PPARGC1A: variants seen among roughly 807,000 people sequenced by gnomAD.
PPARGC1A encodes peroxisome proliferator-activated receptor gamma coactivator 1-alpha.
Under a neutral mutation model 88.7 loss-of-function variants are expected in PPARGC1A, and 25 were observed. The observed-to-expected ratio is 0.28, with a 90% CI of 0.21 to 0.39. The LOEUF (loss-of-function observed/expected upper bound fraction) is 0.39. Ranked by LOEUF, PPARGC1A falls within the 10% of genes least tolerant of loss-of-function variation. The probability of loss-of-function intolerance (pLI) is 1.00; values close to 1 mark genes in which losing one functional copy is unlikely to be tolerated. For missense variants in PPARGC1A, 880 were observed against 968.7 expected, an observed-to-expected ratio of 0.91 and a Z score of 1.22; for synonymous variants, 363 against 355.6, an observed-to-expected ratio of 1.02 and a Z score of -0.24.
the PPARGC1A span, among the ~76,000 whole-genome samples, chr4:24,346,422 G>C: frequency 6.6e-6 from 1 of 151,832 alleles, no homozygotes; most frequent in Non-Finnish European, 1.5e-5. Flanking sequence ...GACTTTTTTT[G>C]TTAGTAAATT....
At chr4:24,041,584 A>T in the PPARGC1A span, among the ~76,000 whole-genome samples, 1 of 152,178 alleles carries the variant, frequency 6.6e-6, no homozygotes, top group Non-Finnish European at 1.5e-5. Flanking sequence ...AGATATGTCT[A>T]CCTTCTATTA....
chr4:24,259,106 T>G, the PPARGC1A span, among the ~76,000 whole-genome samples: 1 of 152,166 alleles, frequency 6.6e-6, no homozygotes, highest in South Asian at 2.1e-4. Flanking sequence ...AGATGGCACC[T>G]TCAGAAAATA....
the PPARGC1A span, among the ~76,000 whole-genome samples, chr4:24,438,595 G>A: frequency 6.6e-6 from 1 of 152,140 alleles, no homozygotes; most frequent in East Asian, 1.9e-4. Flanking sequence ...GGCTACTAAT[G>A]AAATTATTGT....
chr4:24,066,558 G>A, the PPARGC1A span, among the ~76,000 whole-genome samples: 7 of 152,096 alleles, frequency 4.6e-5, no homozygotes, highest in African/African-American at 9.7e-5. Flanking sequence ...CTGTTTCTCC[G>A]TCAGTGAGAG....
chr4:24,349,087 C>T, the PPARGC1A span, among the ~76,000 whole-genome samples: 1 of 152,222 alleles, frequency 6.6e-6, no homozygotes, highest in Non-Finnish European at 1.5e-5. Context: ...GTCTAGCCAT[C>T]CAGCGAGTCT....
In PPARGC1A at chr4:23,795,664, GTTGTTC is replaced by G. The variant is rs1447309106; in HGVS notation, c.*152_*157del. 7.1e-6 allele frequency: 4 copies of G among 565,928 alleles called. No individual in the cohort carries two copies. The African/African-American group carries it at 7.8e-5, about 11-fold the overall frequency. 35.1% of individuals were successfully genotyped at this position (565,928 alleles called of 1,614,324 possible). On this transcript the variant is annotated 3_prime_UTR_variant, in exon 13 of 13. Coordinates refer to ENST00000264867, the MANE Select transcript of PPARGC1A (RefSeq NM_013261.5). The stretch of plus-strand genomic sequence containing the variant: ...GTAAACCATTGTTGTTATTGTTGTT[GTTGTTC>G]TTGTTGTATTGTTGTTGTTTTGTTT...
the PPARGC1A span, among the ~76,000 whole-genome samples, chr4:24,127,969 G>C: frequency 6.6e-6 from 1 of 152,186 alleles, no homozygotes; most frequent in Non-Finnish European, 1.5e-5. Context: ...GTAATAGCTA[G>C]TGTTTATGCC....
intron 10 of PPARGC1A, among the ~76,000 whole-genome samples, chr4:23,803,093 A>C (rs138999810): frequency 2.5e-4 from 38 of 152,330 alleles, no homozygotes; most frequent in African/African-American, 8.9e-4. Context: ...CAGAATTCTA[A>C]TACTGAGATG....
the PPARGC1A span, among the ~76,000 whole-genome samples, chr4:24,304,781 A>G: frequency 6.6e-6 from 1 of 152,140 alleles, no homozygotes; most frequent in Non-Finnish European, 1.5e-5. Flanking sequence ...ATGGAGAAAC[A>G]TGGCCTCCTT....
the PPARGC1A span, among the ~76,000 whole-genome samples, chr4:24,025,162 T>A: frequency 6.6e-6 from 1 of 152,212 alleles, no homozygotes; most frequent in Non-Finnish European, 1.5e-5. Flanking sequence ...CTGTACTTTC[T>A]AAAATATGGT....
chr4:24,093,885 G>A, the PPARGC1A span, among the ~76,000 whole-genome samples: 5 of 152,100 alleles, frequency 3.3e-5, no homozygotes, highest in Admixed American at 1.3e-4. Flanking sequence ...GGAAGTATGC[G>A]TTATAGTCTC....
the PPARGC1A span, among the ~76,000 whole-genome samples, chr4:24,276,958 C>T: frequency 4.6e-5 from 7 of 152,198 alleles, no homozygotes; most frequent in Admixed American, 1.3e-4. Context: ...CTCCATGTAG[C>T]TCTTCTGAGT....
At chr4:24,331,614 A>G in the PPARGC1A span, among the ~76,000 whole-genome samples, 3 of 152,196 alleles carry the variant, frequency 2.0e-5, no homozygotes, top group East Asian at 5.8e-4. Context: ...TTGAATCTTC[A>G]CTTCATAAGA....
the PPARGC1A span, among the ~76,000 whole-genome samples, chr4:24,296,914 A>G: frequency 6.6e-6 from 1 of 152,010 alleles, no homozygotes; most frequent in Non-Finnish European, 1.5e-5. Flanking sequence ...CTCACCTTTC[A>G]AATCAGCACA....
chr4:24,272,230 C>T, the PPARGC1A span, among the ~76,000 whole-genome samples: 1 of 152,144 alleles, frequency 6.6e-6, no homozygotes, highest in African/African-American at 2.4e-5. Flanking sequence ...ATAATCTGAT[C>T]AATCTTTTAT....
the PPARGC1A span, among the ~76,000 whole-genome samples, chr4:23,980,185 C>CAAAAAAAA: frequency 1.1e-5 from 1 of 89,516 alleles, no homozygotes; most frequent in African/African-American, 4.4e-5. Context: ...TCCCAGCCAG[C>CAAAAAAAA]AAAAAAAAAA....
the PPARGC1A span, among the ~76,000 whole-genome samples, chr4:24,142,614 T>C: frequency 0.062 from 9,450 of 151,808 alleles, 878 homozygotes; most frequent in African/African-American, 0.2. Flanking sequence ...GTGGAGGTTG[T>C]AGTGAGCAGA....
At chr4:24,119,125 T>C in the PPARGC1A span, among the ~76,000 whole-genome samples, 2 of 152,198 alleles carry the variant, frequency 1.3e-5, no homozygotes, top group East Asian at 1.9e-4. Flanking sequence ...CTGCTTTCCT[T>C]ACGCAGTGAG....
the PPARGC1A span, among the ~76,000 whole-genome samples, chr4:24,206,091 T>G: frequency 6.6e-6 from 1 of 152,196 alleles, no homozygotes; most frequent in Non-Finnish European, 1.5e-5. Flanking sequence ...TGAATTTCAA[T>G]AAATCACCTG....
Sources: gnomAD v4.1 joint callset for allele counts (sites outside exome capture counted in the v4.1 genomes callset) on GRCh38, gnomAD v4.1.1 for gene constraint, MANE v1.5 for transcripts, NCBI Gene and HGNC (gene_info 2026-07-23, HGNC 2026-07-21) for gene names.